The following EHMT1 variants were observed in gnomAD, a reference collection of about 807,000 sequenced individuals.
The protein encoded by EHMT1 is histone-lysine N-methyltransferase EHMT1.
Under a neutral mutation model 147.2 loss-of-function variants are expected in EHMT1, and 15 were observed. The observed-to-expected ratio is 0.10, with a 90% CI of 0.07 to 0.16. The LOEUF is 0.16. Among genes scored for constraint, EHMT1 ranks in the 10% least tolerant of loss-of-function variants. EHMT1 has a pLI of 1.00. For synonymous variants in EHMT1, 795 were observed against 709.6 expected (o/e 1.12, Z -1.91); for missense variants, 1,587 against 1,772.4 (o/e 0.90, Z 1.88).
intron 16 of EHMT1, among the ~76,000 whole-genome samples, chr9:137,793,582 C>T (rs978259945): frequency 2.0e-5 from 3 of 152,232 alleles, no homozygotes; most frequent in Non-Finnish European, 4.4e-5. Flanking sequence ...ACAAAGAGAT[C>T]TTCATACAAC....
chr9:137,660,967 G>T (rs989950181), intron 1 of EHMT1, among the ~76,000 whole-genome samples: 5 of 152,188 alleles, frequency 3.3e-5, no homozygotes, highest in African/African-American at 1.2e-4. Flanking sequence ...TATAATAGCA[G>T]TTTTATTTCT....
intron 1 of EHMT1, among the ~76,000 whole-genome samples, chr9:137,628,648 A>G (rs937742611): frequency 6.6e-6 from 1 of 152,190 alleles, no homozygotes; most frequent in African/African-American, 2.4e-5. Flanking sequence ...CTGTCCTATG[A>G]AAAGGGCTGC....
chr9:137,742,666 C>G (rs1302226694), intron 4 of EHMT1, among the ~76,000 whole-genome samples: 4 of 152,158 alleles, frequency 2.6e-5, no homozygotes, highest in African/African-American at 9.7e-5. Flanking sequence ...GTTTGGAAAC[C>G]ACTGCTCCAG....
chr9:137,793,100 A>C, intron 16 of EHMT1, among the ~76,000 whole-genome samples: 1 of 152,220 alleles, frequency 6.6e-6, no homozygotes, highest in East Asian at 1.9e-4. Context: ...AAAATGGGGA[A>C]AAATAAGTAA....
At chr9:137,808,435 G>C (rs1006338350) in intron 18 of EHMT1, among the ~76,000 whole-genome samples, 4 of 152,146 alleles carry the variant, frequency 2.6e-5, no homozygotes, top group Non-Finnish European at 5.9e-5. Context: ...CTGGTGTCTT[G>C]ACAACCATGG....
chr9:137,630,148 A>G (rs937530802), intron 1 of EHMT1, among the ~76,000 whole-genome samples: 5 of 152,210 alleles, frequency 3.3e-5, no homozygotes, highest in African/African-American at 1.2e-4. Context: ...TAGTTGTAAT[A>G]GGCTGGTTCT....
intron 4 of EHMT1, among the ~76,000 whole-genome samples, chr9:137,738,194 AAAAAAAACAACAAC>A (rs1431960358): frequency 1.3e-4 from 20 of 150,894 alleles, no homozygotes; most frequent in African/African-American, 3.0e-4. Context: ...ACTCTGTCTC[AAAAAAAACAACAAC>A]AAAAAAAAAA....
In EHMT1 at chr9:137,717,003, C is replaced by T; in HGVS notation, c.463C>T (p.Leu155Phe). Residue 155 changes from leucine (L) to phenylalanine (F), a missense_variant, in exon 3 of 27, where the codon CTT (leucine) becomes TTT (phenylalanine). Coordinates refer to ENST00000460843, the MANE Select transcript of EHMT1 (RefSeq NM_024757.5). ...SSLPGHAAKT[L>F]PGGAGKGRTP... Reference sequence around the variant, plus strand: ...GCTGCCTGGCCATGCTGCAAAAACCCTTCCTGGAGGGGCTGGCAAAGGCAG... The same window carrying T: ...GCTGCCTGGCCATGCTGCAAAAACCTTTCCTGGAGGGGCTGGCAAAGGCAG... 6.2e-7 allele frequency: 1 copy of T among 1,607,556 alleles called. No individual in the cohort carries two copies. Among genetic ancestry groups the T allele is most frequent in the Non-Finnish European group, 8.5e-7 (1 of 1,175,818 alleles).
At chr9:137,622,941 T>C (rs1378282272) in intron 1 of EHMT1, among the ~76,000 whole-genome samples, 1 of 146,878 alleles carries the variant, frequency 6.8e-6, no homozygotes, top group Admixed American at 6.9e-5. Context: ...CCAGGCGCGG[T>C]GTCTCACACC....
chr9:137,711,161 T>C, intron 2 of EHMT1, 131 bp downstream of exon 2: 1 of 883,470 alleles, frequency 1.1e-6, no homozygotes. Context: ...GTATAGTTTC[T>C]AATCTATCCC....
intron 1 of EHMT1, among the ~76,000 whole-genome samples, chr9:137,659,991 T>C (rs1329283832): frequency 6.6e-6 from 1 of 152,138 alleles, no homozygotes; most frequent in Non-Finnish European, 1.5e-5. Flanking sequence ...TTTTCTGTGA[T>C]TGACCTTTTT....
chr9:137,780,786 A>G (rs1951385583), intron 14 of EHMT1, among the ~76,000 whole-genome samples: 1 of 99,772 alleles, frequency 1.0e-5, no homozygotes, highest in Non-Finnish European at 1.9e-5. Context: ...TGACGCTGAG[A>G]TGTGTGGTGA....
intron 3 of EHMT1, among the ~76,000 whole-genome samples, chr9:137,725,309 TGTG>T (rs1170193942): frequency 7.2e-5 from 11 of 152,070 alleles, no homozygotes; most frequent in African/African-American, 2.7e-4. Flanking sequence ...GTGGCAGACA[TGTG>T]GCCTTCGTGG....
intron 2 of EHMT1, among the ~76,000 whole-genome samples, chr9:137,715,129 T>C (rs967290839): frequency 2.6e-5 from 4 of 152,232 alleles, no homozygotes; most frequent in African/African-American, 9.6e-5. Context: ...TTGAGTCTGT[T>C]TTTAAGTAAA....
intron 1 of EHMT1, among the ~76,000 whole-genome samples, chr9:137,621,750 T>A (rs1189727975): frequency 6.6e-6 from 1 of 152,206 alleles, no homozygotes; most frequent in East Asian, 1.9e-4. Context: ...TAGGGTTCCT[T>A]TGACTCAAGG....
At chr9:137,625,873 G>T (rs562223590) in intron 1 of EHMT1, among the ~76,000 whole-genome samples, 32 of 144,854 alleles carry the variant, frequency 2.2e-4, no homozygotes, top group Admixed American at 3.5e-4. Flanking sequence ...GTTTTTTTTT[G>T]AGACGAAGTT....
Position 137,629,822 on chromosome 9 carries a change from A to C in EHMT1, c.21+10773A>C, listed in dbSNP as rs531946727. On this transcript the variant is annotated intron_variant, in intron 1 of 26. Coordinates refer to ENST00000460843, the MANE Select transcript of EHMT1 (RefSeq NM_024757.5). Reference sequence around the variant, plus strand: ...TGGGATTATAGGCATGAGCCACCGCACCCGGCTGAGAATAGTTATTAGAGC... The same window carrying C: ...TGGGATTATAGGCATGAGCCACCGCCCCCGGCTGAGAATAGTTATTAGAGC... Among the ~76,000 whole-genome samples the C allele has an allele frequency of 2.0e-5, 3 of 152,228 alleles. No homozygotes were observed. The East Asian group carries it at 5.8e-4, about 29-fold the overall frequency.
chr9:137,799,767 C>T (rs1275131453), intron 17 of EHMT1, among the ~76,000 whole-genome samples: 1 of 152,250 alleles, frequency 6.6e-6, no homozygotes, highest in Non-Finnish European at 1.5e-5. Context: ...GGCAGCGTCC[C>T]CATGGGCTGG....
In EHMT1 at chr9:137,798,929, T is replaced by G; in HGVS notation, c.2607+15T>G. On this transcript the variant is annotated intron_variant, in intron 17 of 26. Coordinates refer to ENST00000460843, the MANE Select transcript of EHMT1 (RefSeq NM_024757.5). ...TCAACTGTCAGGTACAGCCACCCCCTCCCCTTAGCAGTACACTGTGTGGAC... is the reference window on the plus strand; with the variant it reads ...TCAACTGTCAGGTACAGCCACCCCCGCCCCTTAGCAGTACACTGTGTGGAC... 6.3e-7 allele frequency: 1 copy of G among 1,595,462 alleles called. No homozygotes were observed. Among genetic ancestry groups the G allele is most frequent in the Non-Finnish European group, 8.6e-7 (1 of 1,163,552 alleles).
Sources: gnomAD v4.1 joint callset for allele counts (sites outside exome capture counted in the v4.1 genomes callset) on GRCh38, gnomAD v4.1.1 for gene constraint, MANE v1.5 for transcripts, NCBI Gene and HGNC (gene_info 2026-07-23, HGNC 2026-07-21) for gene names.